The following PPP2R2C variants were observed in gnomAD, a reference collection of about 807,000 sequenced individuals.
PPP2R2C encodes the protein protein phosphatase 2 regulatory subunit Bgamma.
A neutral mutation model predicts 45.3 loss-of-function variants in PPP2R2C; 10 were observed. The ratio of observed to expected loss-of-function variants is 0.22; its 90% confidence interval spans 0.14 to 0.37. The LOEUF is 0.37. PPP2R2C is among the 10% of genes least tolerant of loss of function. The pLI, the probability that PPP2R2C is intolerant of heterozygous loss-of-function variation, is 1.00. For synonymous variants in PPP2R2C, 257 were observed against 245.4 expected (o/e 1.05, Z -0.44); for missense variants, 308 against 619.7 (o/e 0.50, Z 5.34).
chr4:6,528,707 A>C (rs1472080579), intron 2 of PPP2R2C, among the ~76,000 whole-genome samples: 7 of 152,136 alleles, frequency 4.6e-5, no homozygotes, highest in East Asian at 1.9e-4. Flanking sequence ...ATTCCACCAC[A>C]AAAGAAGTGA....
At chr4:6,559,580 T>C (rs549494335) in intron 1 of PPP2R2C, among the ~76,000 whole-genome samples, 66 of 152,306 alleles carry the variant, frequency 4.3e-4, no homozygotes, top group African/African-American at 1.6e-3. Flanking sequence ...TGCTGTGGAC[T>C]GGATGCTTGT....
At chr4:6,521,904 C>T (rs544398880) in intron 2 of PPP2R2C, among the ~76,000 whole-genome samples, 40 of 152,340 alleles carry the variant, frequency 2.6e-4, no homozygotes, top group Non-Finnish European at 2.9e-4. Context: ...CCTCCAGAGC[C>T]ACCCACTAAA....
At chr4:6,456,740 T>C (rs1721061213) in intron 1 of PPP2R2C, among the ~76,000 whole-genome samples, 1 of 152,156 alleles carries the variant, frequency 6.6e-6, no homozygotes, top group African/African-American at 2.4e-5. Context: ...GGAATTCCCA[T>C]GATTTAATAT....
chr4:6,473,354 CT>C (rs2108772654), upstream of PPP2R2C, among the ~76,000 whole-genome samples: 1 of 152,320 alleles, frequency 6.6e-6, no homozygotes, highest in African/African-American at 2.4e-5. Flanking sequence ...GGTAATCAGC[CT>C]GGCACATAGT....
Position 6,345,185 on chromosome 4 carries a change from G to A in PPP2R2C, c.790+2661C>T, listed in dbSNP as rs563486249. On this transcript the variant is annotated intron_variant, in intron 6 of 8. Transcript: ENST00000382599. This position sits in a 1 kb window ranked among gnomAD's most constrained non-coding sequence, Gnocchi z 5.3. ...ACAGGGCTCACACGGGGTCAGCAGC[G>A]GACCAGGAGCAGGAAGAACCCCCTC... Among the ~76,000 whole-genome samples, 26 of 152,242 alleles carry A rather than the reference G, an allele frequency of 1.7e-4. No individual in the cohort carries two copies. Among genetic ancestry groups the A allele is most frequent in the African/African-American group, 6.0e-4 (25 of 41,552 alleles).
At chr4:6,498,136 A>G (rs1253360694) in intron 2 of PPP2R2C, among the ~76,000 whole-genome samples, 2 of 152,256 alleles carry the variant, frequency 1.3e-5, no homozygotes, top group Non-Finnish European at 2.9e-5. Context: ...ATAAGGGAAC[A>G]GGGCACAGCC....
intron 2 of PPP2R2C, among the ~76,000 whole-genome samples, chr4:6,489,901 C>T (rs1311312179): frequency 6.6e-6 from 1 of 152,092 alleles, no homozygotes; most frequent in Non-Finnish European, 1.5e-5. Flanking sequence ...AACTTTTTAC[C>T]CCATACACTG....
intron 2 of PPP2R2C, among the ~76,000 whole-genome samples, chr4:6,529,087 G>A (rs931321691): frequency 1.3e-5 from 2 of 152,248 alleles, no homozygotes; most frequent in Admixed American, 6.5e-5. Flanking sequence ...TCCATAGGCA[G>A]ATGGCTTGGC....
At chr4:6,522,057 C>T (rs1577237215) in intron 2 of PPP2R2C, among the ~76,000 whole-genome samples, 1 of 152,224 alleles carries the variant, frequency 6.6e-6, no homozygotes, top group East Asian at 1.9e-4. Context: ...GTTTCCAAAC[C>T]TCACCCGATG....
chr4:6,387,068 A>T lies in PPP2R2C; in HGVS notation c.71-5974T>A, dbSNP rs143259928. Among the ~76,000 whole-genome samples, 279 of 152,296 alleles carry T rather than the reference A, an allele frequency of 1.8e-3. 1 individual carries two copies. Among genetic ancestry groups the T allele is most frequent in the Middle Eastern group, 3.4e-3 (1 of 294 alleles). On this transcript the variant is annotated intron_variant, in intron 1 of 8. Coordinates refer to ENST00000382599, the MANE Select transcript of PPP2R2C (RefSeq NM_020416.4). ...CAGTCTGAAGAATAGAGAGAAAAAA[A>T]ATTTTTTTAAAAAGAAAAAGATCCT... is the stretch of plus-strand genomic sequence containing the variant.
At chr4:6,388,132 G>C (rs142977229) in intron 1 of PPP2R2C, among the ~76,000 whole-genome samples, 20 of 152,306 alleles carry the variant, frequency 1.3e-4, no homozygotes, top group Admixed American at 2.6e-4. Flanking sequence ...AACTCATGCT[G>C]TCCTTCCCCC....
In PPP2R2C at chr4:6,324,427, G is replaced by A. The variant is rs1013967783; in HGVS notation, c.1053-834C>T. On this transcript the variant is annotated intron_variant, in intron 8 of 8. Coordinates refer to ENST00000382599, the MANE Select transcript of PPP2R2C (RefSeq NM_020416.4). This position sits in a 1 kb window ranked among gnomAD's most constrained non-coding sequence, Gnocchi z 4.1. Reference sequence around the variant, plus strand: ...GCCTGGGCAATAAGAGCAAAACTCCGTCTCGAAAAAAGAAAAGAAAAGAAA... The same window carrying A: ...GCCTGGGCAATAAGAGCAAAACTCCATCTCGAAAAAAGAAAAGAAAAGAAA... 1.2e-4 allele frequency among the ~76,000 whole-genome samples: 16 copies of A among 130,526 alleles called. No homozygotes were observed. Among genetic ancestry groups the A allele is most frequent in the African/African-American group, 3.7e-4 (13 of 35,404 alleles). The allele number at this position is 130,526 out of a possible 152,430, so 85.6% of individuals were successfully genotyped here. A position where few individuals can be genotyped will look rare whatever the true frequency, so the allele number is the denominator to read the frequency against.
chr4:6,452,532 A>G (rs1282039376), intron 1 of PPP2R2C, among the ~76,000 whole-genome samples: 1 of 152,200 alleles, frequency 6.6e-6, no homozygotes, highest in Non-Finnish European at 1.5e-5. Context: ...ACAGAAGAGG[A>G]AACTGAGGCC....
chr4:6,358,200 A>C (rs1260779152), intron 5 of PPP2R2C, among the ~76,000 whole-genome samples: 1 of 152,180 alleles, frequency 6.6e-6, no homozygotes, highest in Non-Finnish European at 1.5e-5. Context: ...CAACCATCTG[A>C]TCTTTGACAA....
chr4:6,333,755 C>A, intron 6 of PPP2R2C, 24 bp from the exon 7 acceptor site: 1 of 1,613,438 alleles, frequency 6.2e-7, no homozygotes, highest in Non-Finnish European at 8.5e-7. Context: ...GAAGCAATGG[C>A]CGTCACTGCG....
chr4:6,390,916 C>T (rs2240266), intron 1 of PPP2R2C, among the ~76,000 whole-genome samples: 3 of 151,860 alleles, frequency 2.0e-5, no homozygotes, highest in African/African-American at 7.3e-5. Context: ...CCTGGTGAGA[C>T]GTTTCCTCCT....
intron 1 of PPP2R2C, among the ~76,000 whole-genome samples, chr4:6,548,194 G>A (rs1009910027): frequency 3.3e-5 from 5 of 151,942 alleles, no homozygotes; most frequent in Admixed American, 6.6e-5. Context: ...CTCCAGCCGG[G>A]GCAACAGAGT....
At position 6,338,511 on chromosome 4, in the gene PPP2R2C, C is replaced by T. The variant is rs186738862; in HGVS notation, c.791-4780G>A. On this transcript the variant is annotated intron_variant, in intron 6 of 8. Transcript: ENST00000382599. ...GGAAACAGGAGGTGAAGCCTGAGAG[C>T]AGGTGCCCACCTTCCTTTCCAGCCT... Among the ~76,000 whole-genome samples the T allele has an allele frequency of 1.2e-3, 188 of 152,308 alleles. 2 individuals are homozygous for T. The highest frequency in any genetic ancestry group is 0.011 in the Admixed American group (167 of 15,308).
rs576111746 is a variant in PPP2R2C, at chr4:6,403,463, G to A, written c.71-22369C>T. Among the ~76,000 whole-genome samples the A allele has an allele frequency of 9.6e-4, 147 of 152,338 alleles. 1 individual carries two copies. Among genetic ancestry groups the A allele is most frequent in the African/African-American group, 3.5e-3 (144 of 41,568 alleles). On this transcript the variant is annotated intron_variant, in intron 1 of 8. Coordinates refer to ENST00000382599, the MANE Select transcript of PPP2R2C (RefSeq NM_020416.4). ...GCTCTGTTTACAGCGGGGTGAGGCTGTGCGCCAGGGGTTGCAGGAGGTCCC... is the reference window on the plus strand; with the variant it reads ...GCTCTGTTTACAGCGGGGTGAGGCTATGCGCCAGGGGTTGCAGGAGGTCCC...
Sources: gnomAD v4.1 joint callset for allele counts (sites outside exome capture counted in the v4.1 genomes callset) on GRCh38, gnomAD v4.1.1 for gene constraint, Gnocchi (gnomAD v3.1) non-coding constraint, MANE v1.5 for transcripts, NCBI Gene and HGNC (gene_info 2026-07-23, HGNC 2026-07-21) for gene names.